CCDC30: variants seen among roughly 807,000 people sequenced by gnomAD.
CCDC30 encodes coiled-coil domain containing 30.
A neutral mutation model predicts 100.2 loss-of-function variants in CCDC30; 70 were observed. The ratio of observed to expected loss-of-function variants is 0.70; its 90% CI spans 0.58 to 0.85. The LOEUF (loss-of-function observed/expected upper bound fraction) is 0.85, where lower values mean the gene tolerates loss of function less well. Among genes scored for constraint, CCDC30 ranks in the 40% least tolerant of loss-of-function variants. CCDC30 has a pLI of 0.00. For synonymous variants in CCDC30, 233 were observed against 269.5 expected (o/e 0.86, Z 1.33); for missense variants, 652 against 771.2 (o/e 0.85, Z 1.83).
chr1:42,502,103 A>T (rs1644323153), intron 6 of CCDC30, among the ~76,000 whole-genome samples: 1 of 152,076 alleles, frequency 6.6e-6, no homozygotes, highest in Non-Finnish European at 1.5e-5. Flanking sequence ...GGTGGGCTTC[A>T]CCCAGTTTGA....
At chr1:42,564,292 A>T (rs751256688) in intron 6 of CCDC30, among the ~76,000 whole-genome samples, 1 of 152,110 alleles carries the variant, frequency 6.6e-6, no homozygotes, top group African/African-American at 2.4e-5. Context: ...TGTTTGATAC[A>T]TGTGCTTTTT....
At chr1:42,496,876 T>C (rs1644240454) in intron 4 of CCDC30, among the ~76,000 whole-genome samples, 1 of 152,192 alleles carries the variant, frequency 6.6e-6, no homozygotes. Flanking sequence ...GTGTGAGTAA[T>C]ATAAAACTTT....
chr1:42,606,066 A>G lies in CCDC30; in HGVS notation c.1165-4912A>G, dbSNP rs549927135. Among the ~76,000 whole-genome samples, 83 of 152,344 alleles carry G rather than the reference A, an allele frequency of 5.4e-4. 2 individuals carry two copies. The South Asian group carries it at 0.016, about 30-fold the overall frequency. On this transcript the variant is annotated intron_variant, in intron 10 of 16. Transcript: ENST00000668663. ...GTAGATACTATTTTATCTTTACTCC[A>G]TAAAGTATACCTAACTCTATTATAA...
chr1:42,590,861 G>A (rs1646173360), intron 10 of CCDC30: 1 of 152,158 alleles, frequency 6.6e-6, no homozygotes, highest in African/African-American at 2.4e-5. Context: ...AAATAAGGAA[G>A]TTATTGGGAA....
At chr1:42,577,786 G>T (rs1418537000) in intron 8 of CCDC30, among the ~76,000 whole-genome samples, 1 of 151,744 alleles carries the variant, frequency 6.6e-6, no homozygotes, top group African/African-American at 2.4e-5. Flanking sequence ...GACTACAGGC[G>T]TCCACCACCA....
intron 7 of CCDC30, chr1:42,571,507 C>A (rs956918558): frequency 1.3e-5 from 2 of 151,186 alleles, no homozygotes; most frequent in African/African-American, 2.4e-5. Flanking sequence ...AAAAATGAAC[C>A]AGAAGGTGAG....
intron 9 of CCDC30, among the ~76,000 whole-genome samples, chr1:42,586,034 A>T (rs1409215107): frequency 6.6e-6 from 1 of 152,246 alleles, no homozygotes; most frequent in Non-Finnish European, 1.5e-5. Context: ...TAAGTGTTAT[A>T]CTAAAGGAGG....
At chr1:42,580,510 T>A (rs1645941118) in intron 8 of CCDC30, among the ~76,000 whole-genome samples, 1 of 152,056 alleles carries the variant, frequency 6.6e-6, no homozygotes, top group African/African-American at 2.4e-5. Flanking sequence ...ATTCATTCAA[T>A]AAATATTTAT....
chr1:42,513,829 A>C (rs906927462), intron 6 of CCDC30, among the ~76,000 whole-genome samples: 2 of 152,198 alleles, frequency 1.3e-5, no homozygotes, highest in Non-Finnish European at 2.9e-5. Flanking sequence ...GCTGTACAAG[A>C]AGCATAATGA....
At chr1:42,582,534 G>A (rs1645988734) in intron 9 of CCDC30, among the ~76,000 whole-genome samples, 2 of 152,210 alleles carry the variant, frequency 1.3e-5, no homozygotes, top group Admixed American at 6.5e-5. Flanking sequence ...ATGAGCAGGA[G>A]CATTGTCATG....
rs1487247448 is a variant in CCDC30, at chr1:42,596,021, A to G, written c.1164+6538A>G. On this transcript the variant is annotated intron_variant, in intron 10 of 16. Transcript: ENST00000668663. The surrounding 1 kb of genome is among the most constrained non-coding windows in gnomAD (Gnocchi z 4.3). ...GTGTCCTGACAACAAGTGAAATGCCAAACAAACTGAAAAATCAACACATTT... is the reference window on the plus strand; with the variant it reads ...GTGTCCTGACAACAAGTGAAATGCCGAACAAACTGAAAAATCAACACATTT... 1.3e-5 allele frequency among the ~76,000 whole-genome samples: 2 copies of G among 152,234 alleles called. No homozygotes were observed. The highest frequency in any genetic ancestry group is 2.4e-5 in the African/African-American group (1 of 41,464).
intron 9 of CCDC30, among the ~76,000 whole-genome samples, chr1:42,583,637 A>G (rs1260472116): frequency 6.6e-6 from 1 of 152,186 alleles, no homozygotes. Context: ...TTTCAGTGAC[A>G]TAATATATAT....
At chr1:42,557,449 T>C (rs1349419565) in intron 6 of CCDC30, among the ~76,000 whole-genome samples, 4 of 152,052 alleles carry the variant, frequency 2.6e-5, no homozygotes, top group African/African-American at 9.7e-5. Flanking sequence ...GTGGGAGGCT[T>C]GAGCAGAAGC....
At chr1:42,468,849 C>T (rs1643673582) in intron 1 of CCDC30, 2 of 152,034 alleles carry the variant, frequency 1.3e-5, no homozygotes, top group African/African-American at 4.8e-5. Context: ...ACTCCTGTGC[C>T]CAAGCTATTA....
chr1:42,646,188 T>C, exon 15 of CCDC30: 1 of 1,599,402 alleles, frequency 6.3e-7, no homozygotes, highest in Non-Finnish European at 8.5e-7. Flanking sequence ...AGCTGGCTTC[T>C]CTCCCTCCAA....
chr1:42,522,516 A>C (rs145722399), intron 6 of CCDC30, among the ~76,000 whole-genome samples: 1 of 152,274 alleles, frequency 6.6e-6, no homozygotes, highest in Non-Finnish European at 1.5e-5. Flanking sequence ...TTCTGTAACT[A>C]TTTTACTTAA....
At chr1:42,551,828 C>T (rs1645259003) in intron 6 of CCDC30, among the ~76,000 whole-genome samples, 1 of 151,628 alleles carries the variant, frequency 6.6e-6, no homozygotes, top group Non-Finnish European at 1.5e-5. Context: ...CATCACAGCT[C>T]ACTACAACAT....
chr1:42,456,606 C>T, the CCDC30 span: 2 of 1,523,578 alleles, frequency 1.3e-6, no homozygotes, highest in South Asian at 1.3e-5. Context: ...CCCCAGCCTC[C>T]CGGTGCTGCG....
intron 7 of CCDC30, among the ~76,000 whole-genome samples, chr1:42,573,837 G>A (rs1398848410): frequency 1.3e-5 from 2 of 152,006 alleles, no homozygotes; most frequent in Non-Finnish European, 2.9e-5. Flanking sequence ...AATACATGTT[G>A]AATTTCATAA....
Sources: allele counts gnomAD v4.1 joint callset (sites outside exome capture counted in the v4.1 genomes callset), GRCh38; gene constraint gnomAD v4.1.1; non-coding constraint Gnocchi (gnomAD v3.1); transcripts MANE v1.5; gene names NCBI Gene and HGNC (gene_info 2026-07-23, HGNC 2026-07-21).